The following KDM4B variants were observed in gnomAD, a reference collection of about 807,000 sequenced individuals.
The protein encoded by KDM4B is lysine demethylase 4B.
KDM4B carries 32 observed loss-of-function variants against 125.2 expected under a neutral mutation model. That is an observed-to-expected ratio of 0.26 (90% CI 0.19 to 0.34). The LOEUF (loss-of-function observed/expected upper bound fraction) is 0.34. KDM4B is among the 10% of genes least tolerant of loss of function. The pLI is 1.00. For synonymous variants in KDM4B, 721 were observed against 677.9 expected (o/e 1.06, Z -0.99); for missense variants, 1,190 against 1,577.7 (o/e 0.75, Z 4.16).
chr19:5,143,690 C>G (rs553536862), intron 18 of KDM4B, among the ~76,000 whole-genome samples: 82 of 152,224 alleles, frequency 5.4e-4, no homozygotes, highest in African/African-American at 1.7e-3. Context: ...GAGGACTCCC[C>G]GGGGGCTGAT....
At position 5,119,829 on chromosome 19, in the gene KDM4B, G is replaced by A. The variant is rs1472821525; in HGVS notation, c.1292G>A (p.Gly431Asp). 13 of 1,545,106 alleles carry A rather than the reference G, an allele frequency of 8.4e-6. No individual in the cohort carries two copies. Among genetic ancestry groups the A allele is most frequent in the East Asian group, 2.4e-5 (1 of 40,914 alleles). ...EEEEPQPLPH[G>D]REAEGAEEDG... ...GAGGAGCCGCAGCCACTGCCACACG[G>A]CCGGGAGGCCGAGGGCGCAGAAGGT... is the stretch of plus-strand genomic sequence containing the variant. Residue 431 changes from glycine to aspartate, a missense_variant, in exon 11 of 23, where the codon GGC (glycine) becomes GAC (aspartate). Physicochemically the swap from Gly to Asp is moderately conservative, Grantham distance 94 (BLOSUM62 -1). Coordinates refer to ENST00000159111, the MANE Select transcript of KDM4B (RefSeq NM_015015.3).
At chr19:5,024,098 G>A (rs1014508368) in intron 2 of KDM4B, among the ~76,000 whole-genome samples, 4 of 152,062 alleles carry the variant, frequency 2.6e-5, no homozygotes, top group Admixed American at 6.5e-5. Flanking sequence ...GCGTGTGGCC[G>A]CTGAGAGCCA....
At chr19:5,133,293 C>A (rs2039590783) in intron 13 of KDM4B, among the ~76,000 whole-genome samples, 1 of 152,210 alleles carries the variant, frequency 6.6e-6, no homozygotes, top group African/African-American at 2.4e-5. Flanking sequence ...CCCCGTCACG[C>A]AGCTCTTCCT....
intron 9 of KDM4B, among the ~76,000 whole-genome samples, chr19:5,100,128 AT>A (rs1214473592): frequency 3.9e-5 from 6 of 152,140 alleles, no homozygotes; most frequent in Admixed American, 1.3e-4. Context: ...CTGGAGGCTT[AT>A]TGAACCCTTT....
rs2039969618 is a variant in KDM4B, at chr19:5,152,704, C to G, written c.*1193C>G. The stretch of plus-strand genomic sequence containing the variant: ...GGCCTTCAGCCCAGGCTGGGAAGCG[C>G]CTTCTCCAGGTGCCTCTCCCTCACC... On this transcript the variant is annotated 3_prime_UTR_variant, in exon 23 of 23. Transcript: ENST00000159111. 1 of 152,336 alleles carries G rather than the reference C, an allele frequency of 6.6e-6. No homozygotes were observed. The highest frequency in any genetic ancestry group is 2.4e-5 in the African/African-American group (1 of 41,470). The allele number at this position is 152,336 out of a possible 1,614,324, so 9.4% of individuals were successfully genotyped here. A position where few individuals can be genotyped will look rare whatever the true frequency, so the allele number is the denominator to read the frequency against.
At chr19:4,977,953 C>T (rs545019777) in intron 1 of KDM4B, among the ~76,000 whole-genome samples, 1 of 152,186 alleles carries the variant, frequency 6.6e-6, no homozygotes, top group Non-Finnish European at 1.5e-5. Flanking sequence ...CTGTTGTCCC[C>T]TTCCTGCAGC....
intron 11 of KDM4B, among the ~76,000 whole-genome samples, chr19:5,129,383 A>C (rs1360684672): frequency 6.6e-6 from 1 of 151,874 alleles, no homozygotes; most frequent in African/African-American, 2.4e-5. Flanking sequence ...CTCATTGCTG[A>C]GGGTCTCAGC....
chr19:4,983,773 G>T (rs531712332), intron 1 of KDM4B, among the ~76,000 whole-genome samples: 31 of 152,330 alleles, frequency 2.0e-4, no homozygotes, highest in Middle Eastern at 6.8e-3. Context: ...GCCACAGGCG[G>T]CTTCAAAGGG....
At chr19:5,133,780 G>T in intron 13 of KDM4B, 103 bp from the exon 14 acceptor site, 1 of 1,239,944 alleles carries the variant, frequency 8.1e-7, no homozygotes, top group South Asian at 1.3e-5. Flanking sequence ...TGGGCAGCCA[G>T]GGCTGTAGAC....
intron 11 of KDM4B, among the ~76,000 whole-genome samples, chr19:5,125,909 T>C (rs1485929559): frequency 6.6e-6 from 1 of 152,166 alleles, no homozygotes; most frequent in Non-Finnish European, 1.5e-5. Flanking sequence ...CAGGAGCCTC[T>C]GGACGAGAGG....
At chr19:5,102,894 G>T (rs924377858) in intron 9 of KDM4B, among the ~76,000 whole-genome samples, 2 of 152,198 alleles carry the variant, frequency 1.3e-5, no homozygotes, top group Non-Finnish European at 2.9e-5. Flanking sequence ...AGATCTCCAG[G>T]TTTTATTGGG....
At chr19:5,122,775 A>C (rs1349198001) in intron 11 of KDM4B, among the ~76,000 whole-genome samples, 1 of 152,210 alleles carries the variant, frequency 6.6e-6, no homozygotes, top group Admixed American at 6.5e-5. Flanking sequence ...CCCTTAGGCT[A>C]ATGAGCCCAG....
intron 1 of KDM4B, among the ~76,000 whole-genome samples, chr19:4,969,920 C>T (rs956561481): frequency 6.6e-6 from 1 of 152,042 alleles, no homozygotes; most frequent in African/African-American, 2.4e-5. Flanking sequence ...TGCTATGCAA[C>T]GGCAGCCTCC....
intron 9 of KDM4B, among the ~76,000 whole-genome samples, chr19:5,107,702 G>T (rs867200648): frequency 1.3e-5 from 2 of 152,188 alleles, no homozygotes; most frequent in African/African-American, 2.4e-5. Context: ...TTGGTGGCTC[G>T]CAGTGGGGGC....
At chr19:5,040,465 CAT>C (rs1191675105) in intron 4 of KDM4B, among the ~76,000 whole-genome samples, 1 of 152,034 alleles carries the variant, frequency 6.6e-6, no homozygotes, top group Non-Finnish European at 1.5e-5. Context: ...CACGGGTACA[CAT>C]GGCACACGCA....
At position 5,132,091 on chromosome 19, in the gene KDM4B, G is replaced by A. The variant is rs2039568463; in HGVS notation, c.1906+84G>A. 51 of 1,440,506 alleles carry A rather than the reference G, an allele frequency of 3.5e-5. 1 individual carries two copies. The South Asian group carries it at 4.8e-4, about 13-fold the overall frequency. The allele number at this position is 1,440,506 out of a possible 1,614,324, so 89.2% of individuals were successfully genotyped here. ...TGGAGGGGGGGCCTGGCTCCCCTGC[G>A]GCTTCCTTCCCCCACTTCCTGGGTC... On this transcript the variant is annotated intron_variant, in intron 13 of 22. Coordinates refer to ENST00000159111, the MANE Select transcript of KDM4B (RefSeq NM_015015.3).
At chr19:5,110,250 C>T (rs1481142880) in intron 9 of KDM4B, among the ~76,000 whole-genome samples, 1 of 152,218 alleles carries the variant, frequency 6.6e-6, no homozygotes, top group Non-Finnish European at 1.5e-5. Flanking sequence ...GCAAGAGGAT[C>T]ACTTGAACCC....
At chr19:4,972,770 G>A (rs1175457352) in intron 1 of KDM4B, among the ~76,000 whole-genome samples, 2 of 152,170 alleles carry the variant, frequency 1.3e-5, no homozygotes, top group African/African-American at 4.8e-5. Context: ...TGCAAACTGT[G>A]TCCCGGACAC....
At chr19:5,098,703 C>T (rs2038875157) in intron 9 of KDM4B, among the ~76,000 whole-genome samples, 4 of 152,066 alleles carry the variant, frequency 2.6e-5, no homozygotes, top group Non-Finnish European at 4.4e-5. Flanking sequence ...GGGTGATGCC[C>T]TCATTGATGG....
Sources: allele counts gnomAD v4.1 joint callset (sites outside exome capture counted in the v4.1 genomes callset), GRCh38; gene constraint gnomAD v4.1.1; transcripts MANE v1.5; gene names NCBI Gene and HGNC (gene_info 2026-07-23, HGNC 2026-07-21).